Variants in SCAPER observed in about 807,000 individuals in gnomAD.
The protein encoded by SCAPER is S-phase cyclin A associated protein in the ER, also known as S phase cyclin A-associated protein in the endoplasmic reticulum.
SCAPER carries 98 observed loss-of-function variants against 182.2 expected under a neutral mutation model. The observed-to-expected ratio is 0.54, with a 90% CI of 0.46 to 0.64. The LOEUF is 0.64. Among genes scored for constraint, SCAPER ranks in the 30% least tolerant of loss-of-function variants. SCAPER has a pLI of 0.00. For synonymous variants in SCAPER, 605 were observed against 564.6 expected (o/e 1.07, Z -1.01); for missense variants, 1,432 against 1,690.0 (o/e 0.85, Z 2.68).
At chr15:76,815,198 G>A (rs1174838180) in intron 5 of SCAPER, among the ~76,000 whole-genome samples, 1 of 152,166 alleles carries the variant, frequency 6.6e-6, no homozygotes, top group African/African-American at 2.4e-5. Flanking sequence ...AAAACAGTAT[G>A]AAAGTTTCTC....
At chr15:76,849,185 G>A (rs377117458) in intron 4 of SCAPER, among the ~76,000 whole-genome samples, 17 of 152,208 alleles carry the variant, frequency 1.1e-4, no homozygotes, top group Middle Eastern at 3.4e-3. Flanking sequence ...CAGTGCAGCC[G>A]CCCCATCCCA....
chr15:76,805,240 C>T (rs2066067607), intron 5 of SCAPER, among the ~76,000 whole-genome samples: 1 of 151,918 alleles, frequency 6.6e-6, no homozygotes, highest in African/African-American at 2.4e-5. Context: ...ACTTTGTATC[C>T]AGGTTTTTCT....
At chr15:76,651,251 C>T (rs959384217) in intron 21 of SCAPER, among the ~76,000 whole-genome samples, 3 of 151,760 alleles carry the variant, frequency 2.0e-5, no homozygotes, top group Admixed American at 6.6e-5. Context: ...GACCAGAGAT[C>T]GGGGGGAACG....
intron 29 of SCAPER, among the ~76,000 whole-genome samples, chr15:76,357,189 C>CACACACACACACACACACACACACACA (rs1555410451): frequency 6.8e-6 from 1 of 146,376 alleles, no homozygotes; most frequent in Non-Finnish European, 1.5e-5. Context: ...CACACACACA[C>CACACACACACACACACACACACACACA]CCCTATGGCC....
At position 76,674,844 on chromosome 15, in the gene SCAPER, T is replaced by A. The variant is rs950907582; in HGVS notation, c.2509-9055A>T. ...TACATAATATATATTTTGTGTGTAT[T>A]TATATGTATACATTGGCACGCATAA... On this transcript the variant is annotated intron_variant, in intron 20 of 31. Coordinates refer to ENST00000563290, the MANE Select transcript of SCAPER (RefSeq NM_020843.4). Among the ~76,000 whole-genome samples, 4 of 152,084 alleles carry A rather than the reference T, an allele frequency of 2.6e-5. 1 individual carries two copies. Among genetic ancestry groups the A allele is most frequent in the Admixed American group, 2.6e-4 (4 of 15,276 alleles).
At chr15:76,411,036 C>T (rs1048819604) in intron 26 of SCAPER, among the ~76,000 whole-genome samples, 30 of 152,124 alleles carry the variant, frequency 2.0e-4, no homozygotes, top group African/African-American at 7.0e-4. Context: ...TATAAATCTA[C>T]ATAACCATCC....
chr15:76,474,275 G>T (rs1001087222), intron 24 of SCAPER, among the ~76,000 whole-genome samples: 2 of 152,186 alleles, frequency 1.3e-5, no homozygotes, highest in Non-Finnish European at 2.9e-5. Flanking sequence ...AACTTCCTAT[G>T]ATGTTCCAGG....
chr15:76,685,900 A>C (rs2058012665), intron 20 of SCAPER, among the ~76,000 whole-genome samples: 1 of 152,112 alleles, frequency 6.6e-6, no homozygotes, highest in Non-Finnish European at 1.5e-5. Context: ...AGAAGAGTCC[A>C]ATAAAAGGAG....
intron 15 of SCAPER, among the ~76,000 whole-genome samples, chr15:76,747,504 A>T (rs1022552522): frequency 3.3e-5 from 5 of 151,280 alleles, no homozygotes; most frequent in African/African-American, 7.3e-5. Flanking sequence ...CTGTCTCAAA[A>T]ATATATATAT....
intron 24 of SCAPER, among the ~76,000 whole-genome samples, chr15:76,490,017 T>C (rs1392324503): frequency 6.6e-6 from 1 of 152,220 alleles, no homozygotes; most frequent in Non-Finnish European, 1.5e-5. Context: ...TGTATGTGTA[T>C]ACATTTTCTT....
chr15:76,689,464 G>GA (rs1349642778), intron 20 of SCAPER, among the ~76,000 whole-genome samples: 1 of 151,892 alleles, frequency 6.6e-6, no homozygotes, highest in East Asian at 1.9e-4. Context: ...AAATAAATTA[G>GA]AAAATCTAAT....
chr15:76,859,539 T>C (rs185245864), intron 3 of SCAPER, among the ~76,000 whole-genome samples: 36 of 152,188 alleles, frequency 2.4e-4, no homozygotes, highest in Non-Finnish European at 2.8e-4. Flanking sequence ...TAAGTATATA[T>C]TGTAGTCATA....
chr15:76,676,053 G>T (rs750345579), intron 20 of SCAPER, among the ~76,000 whole-genome samples: 19 of 152,184 alleles, frequency 1.2e-4, no homozygotes, highest in Non-Finnish European at 2.4e-4. Flanking sequence ...TCGAACTCCT[G>T]ACCTCAGGTG....
At chr15:76,440,269 G>C (rs2047471477) in intron 25 of SCAPER, among the ~76,000 whole-genome samples, 1 of 152,152 alleles carries the variant, frequency 6.6e-6, no homozygotes, top group Non-Finnish European at 1.5e-5. Flanking sequence ...ACCAAGCCCT[G>C]AATCAAAATG....
intron 26 of SCAPER, among the ~76,000 whole-genome samples, chr15:76,416,118 C>A (rs1387851666): frequency 6.6e-6 from 1 of 152,040 alleles, no homozygotes; most frequent in Non-Finnish European, 1.5e-5. Context: ...AAGGAAGCAA[C>A]TTACAAAATA....
intron 20 of SCAPER, among the ~76,000 whole-genome samples, chr15:76,683,531 A>G (rs1043513585): frequency 1.3e-5 from 2 of 152,174 alleles, no homozygotes; most frequent in Admixed American, 6.5e-5. Context: ...TAGAAAGGCC[A>G]TAATTCAACT....
intron 23 of SCAPER, among the ~76,000 whole-genome samples, chr15:76,563,480 A>T (rs2046799340): frequency 6.6e-6 from 1 of 152,206 alleles, no homozygotes; most frequent in South Asian, 2.1e-4. Flanking sequence ...AAGACACTGA[A>T]TTCCTGAACA....
At chr15:76,661,469 A>G (rs1306691507) in intron 21 of SCAPER, among the ~76,000 whole-genome samples, 1 of 152,212 alleles carries the variant, frequency 6.6e-6, no homozygotes, top group South Asian at 2.1e-4. Context: ...CAAGGAACTT[A>G]AACAAATTTA....
intron 24 of SCAPER, chr15:76,472,191 G>A (rs2050236595): frequency 2.0e-6 from 1 of 500,784 alleles, no homozygotes; most frequent in South Asian, 1.6e-5. Flanking sequence ...TGCTTAACCT[G>A]CTCCTCCAAA....
Sources: allele counts gnomAD v4.1 joint callset (sites outside exome capture counted in the v4.1 genomes callset), GRCh38; gene constraint gnomAD v4.1.1; transcripts MANE v1.5; gene names NCBI Gene and HGNC (gene_info 2026-07-23, HGNC 2026-07-21).